DNAH14: variants seen among roughly 807,000 people sequenced by gnomAD.
The protein encoded by DNAH14 is dynein axonemal heavy chain 14.
Under a neutral mutation model 520.9 loss-of-function variants are expected in DNAH14, and 478 were observed. The ratio of observed to expected loss-of-function variants is 0.92; its 90% CI spans 0.85 to 0.99. The LOEUF (loss-of-function observed/expected upper bound fraction) is 0.99. Among genes scored for constraint, DNAH14 ranks in the 50% least tolerant of loss-of-function variants. DNAH14 has a pLI of 0.00. For synonymous variants in DNAH14, 1,581 were observed against 1,757.2 expected (o/e 0.90, Z 2.51); for missense variants, 4,831 against 5,234.5 (o/e 0.92, Z 2.38).
chr1:225,292,993 C>T (rs1196010815), intron 55 of DNAH14, among the ~76,000 whole-genome samples: 1 of 151,946 alleles, frequency 6.6e-6, no homozygotes, highest in Non-Finnish European at 1.5e-5. Context: ...TCATCAACCC[C>T]ATAAAAAAGT....
At chr1:225,303,875 G>T (rs902318817) in intron 57 of DNAH14, among the ~76,000 whole-genome samples, 4 of 152,198 alleles carry the variant, frequency 2.6e-5, no homozygotes, top group African/African-American at 9.7e-5. Flanking sequence ...GACCAAAGGA[G>T]CTGTAAATGC....
At position 225,190,046 on chromosome 1, in the gene DNAH14, A is replaced by G. The variant is rs1473370392; in HGVS notation, c.5671-2650A>G. Among the ~76,000 whole-genome samples, 3 of 151,798 alleles carry G rather than the reference A, an allele frequency of 2.0e-5. No individual in the cohort carries two copies. In the East Asian group the frequency reaches 5.8e-4, roughly 29 times the overall value. ...ATGTGTTAAATCTCCAACCCACAGTACCTCAGCTTGTATCTCCCCTTATTC... is the reference window on the plus strand; with the variant it reads ...ATGTGTTAAATCTCCAACCCACAGTGCCTCAGCTTGTATCTCCCCTTATTC... On this transcript the variant is annotated intron_variant, in intron 37 of 85. Transcript: ENST00000682510.
rs370309921 is a variant in DNAH14, at chr1:225,051,381, T to C, written c.2080-70T>C. On this transcript the variant is annotated intron_variant, in intron 16 of 85. Coordinates refer to ENST00000682510, the MANE Select transcript of DNAH14 (RefSeq NM_001367479.1). Reference sequence around the variant, plus strand: ...ATTATTTTATTTTGTCAGAAACTATTAGCATGCCAAACCATTTTTCACTCT... The same window carrying C: ...ATTATTTTATTTTGTCAGAAACTATCAGCATGCCAAACCATTTTTCACTCT... 236 of 1,124,492 alleles carry C rather than the reference T, an allele frequency of 2.1e-4. 4 individuals carry two copies. The South Asian group carries it at 4.5e-3, about 21-fold the overall frequency. 69.7% of individuals were successfully genotyped at this position (1,124,492 alleles called of 1,614,324 possible). A position where few individuals can be genotyped will look rare whatever the true frequency, so the allele number is the denominator to read the frequency against.
At chr1:225,282,697 G>A (rs376609130) in intron 54 of DNAH14, among the ~76,000 whole-genome samples, 1 of 152,180 alleles carries the variant, frequency 6.6e-6, no homozygotes, top group African/African-American at 2.4e-5. Flanking sequence ...TGAAGTATTT[G>A]GCCCATCTAT....
chr1:225,078,859 C>CTCTCTCTCTCTCTCTCTCTCT (rs2072720564), intron 17 of DNAH14, among the ~76,000 whole-genome samples: 1 of 18,982 alleles, frequency 5.3e-5, no homozygotes, highest in Non-Finnish European at 1.2e-4. Context: ...TCTCTCTCTC[C>CTCTCTCTCTCTCTCTCTCTCT]CTCTCTCTCT....
intron 44 of DNAH14, among the ~76,000 whole-genome samples, chr1:225,254,725 A>T (rs2092679284): frequency 6.6e-6 from 1 of 152,196 alleles, no homozygotes; most frequent in Non-Finnish European, 1.5e-5. Context: ...CATAGTTTCA[A>T]AAATGTTAAC....
At chr1:225,062,144 C>CAA (rs60502361) in intron 17 of DNAH14, among the ~76,000 whole-genome samples, 1 of 151,542 alleles carries the variant, frequency 6.6e-6, no homozygotes, top group Non-Finnish European at 1.5e-5. Flanking sequence ...ACAAAAAATG[C>CAA]AAAAAAATTA....
intron 41 of DNAH14, among the ~76,000 whole-genome samples, chr1:225,230,576 G>A (rs954283519): frequency 6.6e-6 from 1 of 151,952 alleles, no homozygotes; most frequent in African/African-American, 2.4e-5. Context: ...GAATTAGTTG[G>A]ACAAAAAAGG....
intron 84 of DNAH14, among the ~76,000 whole-genome samples, chr1:225,393,657 G>C (rs1022953319): frequency 1.3e-5 from 2 of 152,108 alleles, no homozygotes; most frequent in African/African-American, 4.8e-5. Context: ...GTTTAGTTTT[G>C]GTGTAGATAC....
At chr1:225,105,591 T>G (rs2075972562) in intron 23 of DNAH14, among the ~76,000 whole-genome samples, 1 of 152,224 alleles carries the variant, frequency 6.6e-6, no homozygotes, top group African/African-American at 2.4e-5. Flanking sequence ...GCATATATAT[T>G]TAGGATAGTT....
chr1:225,269,587 A>G (rs2093247331), intron 49 of DNAH14, among the ~76,000 whole-genome samples: 1 of 152,256 alleles, frequency 6.6e-6, no homozygotes, highest in Non-Finnish European at 1.5e-5. Context: ...CCATCTGACA[A>G]AGGGCTAATA....
chr1:225,088,265 G>A (rs547052991), intron 21 of DNAH14, among the ~76,000 whole-genome samples: 4 of 152,058 alleles, frequency 2.6e-5, no homozygotes, highest in African/African-American at 9.6e-5. Context: ...TTAGAGAAAA[G>A]GACATTAAAA....
At chr1:224,982,111 C>T (rs565064653) in intron 8 of DNAH14, among the ~76,000 whole-genome samples, 1 of 152,250 alleles carries the variant, frequency 6.6e-6, no homozygotes, top group South Asian at 2.1e-4. Flanking sequence ...GATATTGCCC[C>T]CTACTGGTGT....
intron 11 of DNAH14, among the ~76,000 whole-genome samples, chr1:225,026,632 G>A (rs974288294): frequency 6.6e-6 from 1 of 152,074 alleles, no homozygotes; most frequent in Non-Finnish European, 1.5e-5. Context: ...CTGTCCTTAT[G>A]CCAGTACCAT....
chr1:224,994,218 CA>C (rs999522796), intron 8 of DNAH14, among the ~76,000 whole-genome samples: 4 of 151,828 alleles, frequency 2.6e-5, no homozygotes, highest in Admixed American at 6.6e-5. Flanking sequence ...GTGTTAAGTT[CA>C]ATTTTTTTTA....
Position 225,325,500 on chromosome 1 carries a change from T to A in DNAH14, c.9723+668T>A, listed in dbSNP as rs565447861. 6.8e-4 allele frequency among the ~76,000 whole-genome samples: 99 copies of A among 145,218 alleles called. 1 individual carries two copies. In the East Asian group the frequency reaches 8.4e-3, roughly 12 times the overall value. ...AACTCCATCTCAAAAAAAAAAAAAATATCCAACTGTACTTAACCTGTTTAT... is the reference window on the plus strand; with the variant it reads ...AACTCCATCTCAAAAAAAAAAAAAAAATCCAACTGTACTTAACCTGTTTAT... On this transcript the variant is annotated intron_variant, in intron 64 of 85. Coordinates refer to ENST00000682510, the MANE Select transcript of DNAH14 (RefSeq NM_001367479.1).
chr1:225,394,108 C>T (rs977793643), intron 84 of DNAH14, among the ~76,000 whole-genome samples: 3 of 152,188 alleles, frequency 2.0e-5, no homozygotes, highest in Admixed American at 6.5e-5. Flanking sequence ...CATGAGCCAC[C>T]GCGCCCGGCC....
intron 74 of DNAH14, among the ~76,000 whole-genome samples, chr1:225,360,093 G>A (rs959888991): frequency 1.3e-5 from 2 of 152,218 alleles, no homozygotes; most frequent in African/African-American, 2.4e-5. Context: ...GTGAGAACAC[G>A]TAGTGTTTGG....
chr1:225,175,397 A>C (rs2083198905), intron 36 of DNAH14, among the ~76,000 whole-genome samples: 1 of 152,048 alleles, frequency 6.6e-6, no homozygotes, highest in Non-Finnish European at 1.5e-5. Context: ...GCAATATATC[A>C]GTTTCTTCTA....
Sources: allele counts gnomAD v4.1 joint callset (sites outside exome capture counted in the v4.1 genomes callset), GRCh38; gene constraint gnomAD v4.1.1; transcripts MANE v1.5; gene names NCBI Gene and HGNC (gene_info 2026-07-23, HGNC 2026-07-21).